Variants in EXOC4 observed in about 807,000 individuals in gnomAD.
EXOC4 encodes the protein SEC8-like 1.
Under a neutral mutation model 107.2 loss-of-function variants are expected in EXOC4, and 71 were observed. That is an observed-to-expected ratio of 0.66 (90% confidence interval 0.55 to 0.81). The LOEUF (loss-of-function observed/expected upper bound fraction) is 0.81. EXOC4 is among the 30% of genes least tolerant of loss of function. EXOC4 has a pLI of 0.00. For missense variants in EXOC4, 1,108 were observed against 1,189.6 expected, an observed-to-expected ratio of 0.93 and a Z score of 1.01; for synonymous variants, 456 against 441.2, an observed-to-expected ratio of 1.03 and a Z score of -0.42.
chr7:133,290,257 CTG>C (rs1794373079), intron 3 of EXOC4, among the ~76,000 whole-genome samples: 2 of 152,132 alleles, frequency 1.3e-5, no homozygotes, highest in Non-Finnish European at 2.9e-5. Context: ...GATCAGGTCA[CTG>C]TACTCCAGCC....
rs148434402 is a variant in EXOC4 at position 133,994,266 on chromosome 7, C to T, written c.2207-3226C>T. ...TGCTGAGGATGATGGTTTCCAGCTT[C>T]ATCGATGTCCCTGCAAAGGACATGA... On this transcript the variant is annotated intron_variant, in intron 14 of 17. Coordinates refer to ENST00000253861, the MANE Select transcript of EXOC4 (RefSeq NM_021807.4). Among the ~76,000 whole-genome samples, 960 of 152,312 alleles carry T rather than the reference C, an allele frequency of 6.3e-3. 7 individuals carry two copies. The highest frequency in any genetic ancestry group is 0.022 in the South Asian group (106 of 4,824).
chr7:133,995,446 T>C (rs1794366998), intron 14 of EXOC4, among the ~76,000 whole-genome samples: 1 of 152,236 alleles, frequency 6.6e-6, no homozygotes, highest in African/African-American at 2.4e-5. Context: ...TGAAAAGCCC[T>C]AAAATGTTTT....
intron 7 of EXOC4, among the ~76,000 whole-genome samples, chr7:133,464,800 TGG>T (rs369851518): frequency 0.052 from 2,633 of 50,536 alleles, 352 homozygotes; most frequent in East Asian, 0.11. Context: ...TTTTTTTTGT[TGG>T]TTGGGTTGGT....
At chr7:133,495,533 A>G (rs1799457445) in intron 9 of EXOC4, among the ~76,000 whole-genome samples, 1 of 152,124 alleles carries the variant, frequency 6.6e-6, no homozygotes, top group African/African-American at 2.4e-5. Flanking sequence ...GGTCAACACT[A>G]TTCTGATTTC....
At chr7:133,492,701 C>G (rs574403902) in intron 9 of EXOC4, among the ~76,000 whole-genome samples, 16 of 152,062 alleles carry the variant, frequency 1.1e-4, no homozygotes, top group Admixed American at 1.3e-4. Context: ...CCACTTTAGT[C>G]TCTTAAGAAT....
At chr7:133,823,824 A>G (rs1797583317) in intron 11 of EXOC4, among the ~76,000 whole-genome samples, 1 of 55,444 alleles carries the variant, frequency 1.8e-5, no homozygotes, top group Non-Finnish European at 3.2e-5. Context: ...AAAAATACAT[A>G]CATATATATA....
chr7:133,466,668 A>G (rs1442247120), intron 7 of EXOC4, among the ~76,000 whole-genome samples: 5 of 152,336 alleles, frequency 3.3e-5, no homozygotes, highest in Non-Finnish European at 4.4e-5. Context: ...ACAGTTTCCA[A>G]TGCATCCTAC....
chr7:133,529,247 T>C (rs1018289343), intron 9 of EXOC4, among the ~76,000 whole-genome samples: 1 of 152,200 alleles, frequency 6.6e-6, no homozygotes, highest in Admixed American at 6.5e-5. Flanking sequence ...TGCTGTGCCT[T>C]GTATTTAAAA....
intron 11 of EXOC4, among the ~76,000 whole-genome samples, chr7:133,847,120 C>T (rs1041476938): frequency 5.3e-5 from 8 of 152,086 alleles, no homozygotes. Context: ...ATACCCATCA[C>T]CTCACATATT....
At chr7:133,311,645 T>C (rs911837700) in intron 4 of EXOC4, among the ~76,000 whole-genome samples, 2 of 152,162 alleles carry the variant, frequency 1.3e-5, no homozygotes, top group African/African-American at 2.4e-5. Context: ...TAAAGAAATA[T>C]ATTAAATGGT....
chr7:133,779,694 A>ATAC (rs199991254), intron 10 of EXOC4, among the ~76,000 whole-genome samples: 1 of 152,166 alleles, frequency 6.6e-6, no homozygotes, highest in Admixed American at 6.6e-5. Context: ...AGTGCTCTGT[A>ATAC]AAAACGCACC....
intron 10 of EXOC4, among the ~76,000 whole-genome samples, chr7:133,645,810 A>G (rs1174578424): frequency 6.6e-6 from 1 of 152,200 alleles, no homozygotes; most frequent in African/African-American, 2.4e-5. Context: ...ACAAATTACA[A>G]ATATGCACTT....
chr7:133,895,503 A>C, intron 11 of EXOC4, 96 bp from the exon 12 acceptor site: 6 of 1,209,846 alleles, frequency 5.0e-6, no homozygotes, highest in Middle Eastern at 2.0e-4. Flanking sequence ...AGGAGAGCTC[A>C]GGTACCTTAA....
Position 133,330,792 on chromosome 7 carries a change from A to C in EXOC4, c.763+13402A>C, listed in dbSNP as rs189481402. On this transcript the variant is annotated intron_variant, in intron 5 of 17. Transcript: ENST00000253861. ...CTTGGTGGGCTGCACCCACTGTCCA[A>C]CCAGTCCCAGTGAGATGAACCGGGT... Among the ~76,000 whole-genome samples, 8 of 151,844 alleles carry C rather than the reference A, an allele frequency of 5.3e-5. No homozygotes were observed. In the East Asian group the frequency reaches 1.6e-3, roughly 29 times the overall value.
intron 10 of EXOC4, among the ~76,000 whole-genome samples, chr7:133,666,693 T>C (rs1162710369): frequency 6.6e-6 from 1 of 152,198 alleles, no homozygotes; most frequent in Non-Finnish European, 1.5e-5. Context: ...CAACCTTTGC[T>C]CAGTGCTTAA....
intron 1 of EXOC4, among the ~76,000 whole-genome samples, chr7:133,255,723 T>G (rs1795001119): frequency 2.0e-5 from 3 of 152,216 alleles, no homozygotes; most frequent in Admixed American, 2.0e-4. Flanking sequence ...AACTTCCTGT[T>G]ATTTCCTTCC....
chr7:134,077,604 A>G, the EXOC4 span, among the ~76,000 whole-genome samples: 1 of 152,184 alleles, frequency 6.6e-6, no homozygotes, highest in Non-Finnish European at 1.5e-5. Context: ...TGGGCCCAGA[A>G]CAAAGACCGC....
intron 4 of EXOC4, among the ~76,000 whole-genome samples, chr7:133,311,528 A>G (rs1328705903): frequency 3.9e-5 from 6 of 152,202 alleles, no homozygotes; most frequent in Non-Finnish European, 7.3e-5. Flanking sequence ...CCTCTTATGT[A>G]CAAATGATTC....
At chr7:133,839,639 A>G (rs913875865) in intron 11 of EXOC4, among the ~76,000 whole-genome samples, 4 of 152,208 alleles carry the variant, frequency 2.6e-5, no homozygotes, top group Non-Finnish European at 4.4e-5. Flanking sequence ...GCTTTAAGGT[A>G]TCAGCCATGG....
Sources: allele counts gnomAD v4.1 joint callset (sites outside exome capture counted in the v4.1 genomes callset), GRCh38; gene constraint gnomAD v4.1.1; transcripts MANE v1.5; gene names NCBI Gene and HGNC (gene_info 2026-07-23, HGNC 2026-07-21).